The following DNMT1 variants were observed in gnomAD, a reference collection of about 807,000 sequenced individuals.
DNMT1 encodes DNA (cytosine-5)-methyltransferase 1.
DNMT1 carries 24 observed loss-of-function variants against 205.3 expected under a neutral mutation model. The ratio of observed to expected loss-of-function variants is 0.12; its 90% CI spans 0.08 to 0.16. The LOEUF (loss-of-function observed/expected upper bound fraction) is 0.16, where lower values mean the gene tolerates loss of function less well. DNMT1 is among the 10% of genes least tolerant of loss of function. The pLI, the probability that DNMT1 is intolerant of heterozygous loss-of-function variation, is 1.00. For missense variants in DNMT1, 1,293 were observed against 2,177.7 expected (o/e 0.59, Z 8.09); for synonymous variants, 817 against 839.8 (o/e 0.97, Z 0.47).
intron 24 of DNMT1, 150 bp from the exon 25 acceptor site, chr19:10,150,118 TACAAGGG>T: frequency 4.1e-6 from 3 of 737,986 alleles, no homozygotes; most frequent in Non-Finnish European, 7.1e-6. Flanking sequence ...CATCCTGTTC[TACAAGGG>T]CTTCAATAAT....
Position 10,181,863 on chromosome 19 carries a change from C to A in DNMT1, c.117+178G>T, listed in dbSNP as rs544816171. ...AAACAACAACAAAAAAAAACACCAC[C>A]ACCACCCAACTATTAGCAGCAAATT... is the stretch of plus-strand genomic sequence containing the variant. On this transcript the variant is annotated intron_variant, in intron 2 of 40. Transcript: ENST00000359526. Among the ~76,000 whole-genome samples, 14 of 151,996 alleles carry A rather than the reference C, an allele frequency of 9.2e-5. No homozygotes were observed. In the South Asian group the frequency reaches 2.5e-3, roughly 27 times the overall value.
At chr19:10,189,894 A>G (rs2039266919) in intron 1 of DNMT1, among the ~76,000 whole-genome samples, 1 of 152,052 alleles carries the variant, frequency 6.6e-6, no homozygotes, top group African/African-American at 2.4e-5. Context: ...CTCTCAACAT[A>G]TCTGTACTGA....
chr19:10,133,588 G>C lies in DNMT1; in HGVS notation c.*79C>G, dbSNP rs373395295. The C allele has an allele frequency of 1.0e-5, 15 of 1,497,912 alleles. No homozygotes were observed. The highest frequency in any genetic ancestry group is 1.3e-5 in the Non-Finnish European group (14 of 1,097,258). The allele number at this position is 1,497,912 out of a possible 1,614,324, so 92.8% of individuals were successfully genotyped here. ...CATGTACCACACATGTGAACGGACA[G>C]ATTGACATGTTAAAAACACAACATC... On this transcript the variant is annotated 3_prime_UTR_variant, in exon 41 of 41. Coordinates refer to ENST00000359526, the MANE Select transcript of DNMT1 (RefSeq NM_001130823.3). The surrounding 1 kb of genome is among the most constrained non-coding windows in gnomAD (Gnocchi z 4.1).
intron 9 of DNMT1, among the ~76,000 whole-genome samples, chr19:10,168,647 A>T (rs561364506): frequency 6.6e-6 from 1 of 152,188 alleles, no homozygotes; most frequent in African/African-American, 2.4e-5. Context: ...GAGATACTAC[A>T]ACACTGCAGT....
chr19:10,169,717 G>A (rs1312613797), intron 9 of DNMT1, among the ~76,000 whole-genome samples: 2 of 152,076 alleles, frequency 1.3e-5, no homozygotes, highest in African/African-American at 4.8e-5. Context: ...AGTGAGCGGA[G>A]ATCGCACCAC....
chr19:10,135,554 A>G (rs2089460794), intron 39 of DNMT1, 182 bp downstream of exon 39: 1 of 665,842 alleles, frequency 1.5e-6, no homozygotes, highest in Non-Finnish European at 2.7e-6. Context: ...ATAGGGACGC[A>G]GCCTGACTCG....
chr19:10,165,893 G>A (rs1171851502), intron 11 of DNMT1, among the ~76,000 whole-genome samples: 2 of 152,184 alleles, frequency 1.3e-5, no homozygotes, highest in Non-Finnish European at 2.9e-5. Context: ...ATGGGGTGGG[G>A]ATGGAAGCCC....
Position 10,155,089 on chromosome 19 carries a change from C to T in DNMT1, c.1493-33G>A, listed in dbSNP as rs1207696340. 6 of 1,613,298 alleles carry T rather than the reference C, an allele frequency of 3.7e-6. No individual in the cohort carries two copies. The South Asian group carries it at 6.6e-5, about 18-fold the overall frequency. On this transcript the variant is annotated intron_variant, in intron 19 of 40. Transcript: ENST00000359526. ...GAACAGAGGAGGTGTGGAAAAGGGG[C>T]TGGAATCTGATGGCGCCTACAGTGG...
chr19:10,159,528 C>A lies in DNMT1; in HGVS notation c.1280+130G>T. The A allele has an allele frequency of 1.0e-6, 1 of 980,374 alleles. No homozygotes were observed. Among genetic ancestry groups the A allele is most frequent in the South Asian group, 1.4e-5 (1 of 71,978 alleles). 60.7% of individuals were successfully genotyped at this position (980,374 alleles called of 1,614,324 possible). A position where few individuals can be genotyped will look rare whatever the true frequency, so the allele number is the denominator to read the frequency against. On this transcript the variant is annotated intron_variant, in intron 17 of 40. Coordinates refer to ENST00000359526, the MANE Select transcript of DNMT1 (RefSeq NM_001130823.3). The surrounding 1 kb of genome is among the most constrained non-coding windows in gnomAD (Gnocchi z 5.0). ...CCAGCCCTCCACGGTGGCTCTTATC[C>A]ACGAAGTGTTAGCTTAAGACATGTT...
At chr19:10,148,300 T>G (rs903384544) in intron 27 of DNMT1, among the ~76,000 whole-genome samples, 9 of 150,464 alleles carry the variant, frequency 6.0e-5, no homozygotes, top group South Asian at 2.1e-4. Context: ...ATCGAGACCA[T>G]CCTGGCTAAC....
chr19:10,151,407 T>C lies in DNMT1; in HGVS notation c.2256A>G (p.Glu752=). The change falls in exon 24 of 41, where the codon GAA becomes GAG. Residue 752 remains glutamate (E), a synonymous_variant. Coordinates refer to ENST00000359526, the MANE Select transcript of DNMT1 (RefSeq NM_001130823.3). This position sits in a 1 kb window ranked among gnomAD's most constrained non-coding sequence, Gnocchi z 5.0. ...QNKNRISWVG[E]AVKTDGKKSY... ...GGGCTCCAAGGGTTACCTTGACGGC[T>C]TCTCCGACCCAAGAGATGCGATTCT... 6.2e-7 allele frequency: 1 copy of C among 1,613,678 alleles called. No individual in the cohort carries two copies.
At chr19:10,149,109 A>G (rs2038273358) in intron 26 of DNMT1, 92 bp from the exon 27 acceptor site, 52 of 1,550,010 alleles carry the variant, frequency 3.4e-5, no homozygotes, top group Non-Finnish European at 4.4e-5. Flanking sequence ...GGATCACCTA[A>G]GGTCAGGAGT....
intron 1 of DNMT1, among the ~76,000 whole-genome samples, chr19:10,188,449 A>T (rs895707149): frequency 5.3e-5 from 8 of 152,148 alleles, no homozygotes; most frequent in African/African-American, 1.9e-4. Flanking sequence ...CTGAGGCACA[A>T]GAATCATTTG....
In DNMT1 at chr19:10,156,710, C is replaced by T. The variant is rs1171363649; in HGVS notation, c.1281-201G>A. 2.6e-5 allele frequency among the ~76,000 whole-genome samples: 4 copies of T among 152,132 alleles called. No individual in the cohort carries two copies. In the South Asian group the frequency reaches 6.2e-4, roughly 24 times the overall value. ...TTGGCTCACTGCAGCCTCCACCTCC[C>T]GGGTTCAAGTAATTCTCCTGCCTCA... is the stretch of plus-strand genomic sequence containing the variant. On this transcript the variant is annotated intron_variant, in intron 17 of 40. Transcript: ENST00000359526. The surrounding 1 kb of genome is among the most constrained non-coding windows in gnomAD (Gnocchi z 4.2).
chr19:10,161,404 T>C (rs1465552004), intron 13 of DNMT1, among the ~76,000 whole-genome samples: 2 of 152,158 alleles, frequency 1.3e-5, no homozygotes, highest in South Asian at 2.1e-4. Context: ...ATTCCAGCAC[T>C]TGAAGAAGCC....
chr19:10,160,213 C>T, intron 14 of DNMT1, 150 bp from the exon 15 acceptor site: 1 of 1,520,438 alleles, frequency 6.6e-7, no homozygotes, highest in South Asian at 1.1e-5. Flanking sequence ...CACAGTGGCT[C>T]TTCACCGCAG....
In DNMT1 at chr19:10,133,691, C is replaced by G; in HGVS notation, c.4875G>C (p.Lys1625Asn). 6.3e-7 allele frequency: 1 copy of G among 1,595,216 alleles called. No individual in the cohort carries two copies. Among genetic ancestry groups the G allele is most frequent in the African/African-American group, 1.3e-5 (1 of 74,560 alleles). Residue 1625 changes from lysine to asparagine, a missense_variant, in exon 41 of 41, where the codon AAG becomes AAC. Physicochemically the swap from Lys to Asn is moderately conservative, Grantham distance 94. This residue lies in a region of DNMT1 where 37 missense variants were observed against 36.3 expected (regional missense o/e 1.02). Coordinates refer to ENST00000359526, the MANE Select transcript of DNMT1 (RefSeq NM_001130823.3). The surrounding 1 kb of genome is among the most constrained non-coding windows in gnomAD (Gnocchi z 4.1). ...ACTAGTCCTTAGCAGCTTCCTCCTC[C>G]TTTATTTTAGCTGAAGGGAAATAAA... ...KARESASAKI[K>N]EEEAAKD
rs544639093 is a variant in DNMT1, at chr19:10,140,679, T to C, written c.3523+102A>G. 6.9e-6 allele frequency: 11 copies of C among 1,600,384 alleles called. No individual in the cohort carries two copies. Among genetic ancestry groups the C allele is most frequent in the Non-Finnish European group, 9.4e-6 (11 of 1,169,788 alleles). On this transcript the variant is annotated intron_variant, in intron 32 of 40. Transcript: ENST00000359526. This position sits in a 1 kb window ranked among gnomAD's most constrained non-coding sequence, Gnocchi z 8.4. ...CACCGTGCCTGGCCTCGGAAGGAGA[T>C]TCTTGAGTCAGGAAGGTGACCGGGG...
chr19:10,144,119 A>G, intron 28 of DNMT1, 132 bp from the exon 29 acceptor site: 1 of 953,848 alleles, frequency 1.0e-6, no homozygotes, highest in Admixed American at 2.0e-5. Context: ...TACCCTAAGA[A>G]ATGATTTAGG....
Sources: allele counts gnomAD v4.1 joint callset (sites outside exome capture counted in the v4.1 genomes callset), GRCh38; gene constraint gnomAD v4.1.1; regional missense constraint gnomAD v4.1.1; non-coding constraint Gnocchi (gnomAD v3.1); transcripts MANE v1.5; gene names NCBI Gene and HGNC (gene_info 2026-07-23, HGNC 2026-07-21).